The following ALCAM variants were observed in gnomAD, a reference collection of about 807,000 sequenced individuals.
ALCAM encodes CD166 antigen.
Under a neutral mutation model 70.9 loss-of-function variants are expected in ALCAM, and 30 were observed. The observed-to-expected ratio is 0.42, with a 90% CI of 0.32 to 0.57. The LOEUF is 0.57. Among genes scored for constraint, ALCAM ranks in the 20% least tolerant of loss-of-function variants. The pLI, the probability that ALCAM is intolerant of heterozygous loss-of-function variation, is 0.11. For synonymous variants in ALCAM, 249 were observed against 242.5 expected (o/e 1.03, Z -0.25); for missense variants, 591 against 695.1 (o/e 0.85, Z 1.68).
At chr3:105,516,631 A>T (rs996493080) in intron 1 of ALCAM, among the ~76,000 whole-genome samples, 1 of 152,148 alleles carries the variant, frequency 6.6e-6, no homozygotes, top group African/African-American at 2.4e-5. Context: ...CACATTTTAT[A>T]TCGTATTGTA....
rs1935071081 is a variant in ALCAM, at chr3:105,366,966, G to A, written c.-443G>A. On this transcript the variant is annotated 5_prime_UTR_variant, in exon 1 of 16. Transcript: ENST00000306107. ...GCTGCTACCACCGCTGCCACCTGAG[G>A]AGACCCGCCGCCCCCCCGTCGCCGC... 6.0e-6 allele frequency: 1 copy of A among 166,356 alleles called. No homozygotes were observed. The highest frequency in any genetic ancestry group is 2.4e-5 in the African/African-American group (1 of 41,598). 10.3% of individuals were successfully genotyped at this position (166,356 alleles called of 1,614,324 possible). A position where few individuals can be genotyped will look rare whatever the true frequency, so the allele number is the denominator to read the frequency against.
intron 1 of ALCAM, among the ~76,000 whole-genome samples, chr3:105,508,370 G>A (rs536742779): frequency 3.3e-5 from 5 of 152,196 alleles, no homozygotes; most frequent in South Asian, 2.1e-4. Flanking sequence ...TACTGGCTTC[G>A]TGATATTGGC....
At chr3:105,538,351 T>C (rs1376176294) in intron 6 of ALCAM, among the ~76,000 whole-genome samples, 1 of 152,040 alleles carries the variant, frequency 6.6e-6, no homozygotes, top group Non-Finnish European at 1.5e-5. Context: ...GCCAGGGCAA[T>C]GGGCAAAATG....
chr3:105,368,565 A>G (rs1018712906), intron 1 of ALCAM, among the ~76,000 whole-genome samples: 1 of 151,040 alleles, frequency 6.6e-6, no homozygotes, highest in Non-Finnish European at 1.5e-5. Context: ...CTTTTTCTTT[A>G]GCTTTTATCA....
chr3:105,427,791 A>T (rs1464933421), intron 1 of ALCAM, among the ~76,000 whole-genome samples: 2 of 151,852 alleles, frequency 1.3e-5, no homozygotes, highest in Non-Finnish European at 2.9e-5. Context: ...GCTTTTTAAT[A>T]TTCTTCTTTG....
chr3:105,393,913 TTA>T, intron 1 of ALCAM, among the ~76,000 whole-genome samples: 1 of 152,072 alleles, frequency 6.6e-6, no homozygotes, highest in South Asian at 2.1e-4. Flanking sequence ...GATTTGGAAT[TTA>T]TATTATCTAA....
intron 1 of ALCAM, among the ~76,000 whole-genome samples, chr3:105,519,373 T>A (rs1939470510): frequency 6.6e-6 from 1 of 152,020 alleles, no homozygotes; most frequent in African/African-American, 2.4e-5. Context: ...TACAAAATTG[T>A]GGTTTAAATT....
At chr3:105,528,209 C>T (rs770394721) in intron 3 of ALCAM, among the ~76,000 whole-genome samples, 4 of 152,154 alleles carry the variant, frequency 2.6e-5, no homozygotes, top group East Asian at 3.8e-4. Context: ...GCAGTTGTGC[C>T]GTCTTCACTA....
intron 1 of ALCAM, among the ~76,000 whole-genome samples, chr3:105,406,009 A>C (rs751124966): frequency 5.3e-5 from 8 of 152,150 alleles, no homozygotes; most frequent in Non-Finnish European, 8.8e-5. Context: ...CACTAGACCA[A>C]TTCAAAATTA....
chr3:105,465,458 G>C (rs2152600070), intron 1 of ALCAM, among the ~76,000 whole-genome samples: 1 of 151,460 alleles, frequency 6.6e-6, no homozygotes, highest in African/African-American at 2.4e-5. Flanking sequence ...AATATGTAGA[G>C]AAAAAGAGAT....
intron 11 of ALCAM, among the ~76,000 whole-genome samples, chr3:105,549,314 C>T (rs73854325): frequency 1.4e-3 from 211 of 151,436 alleles, no homozygotes; most frequent in African/African-American, 4.8e-3. Flanking sequence ...GCCCCTCCTC[C>T]ACCCCAGCAA....
intron 8 of ALCAM, among the ~76,000 whole-genome samples, chr3:105,543,898 CT>C (rs1294963815): frequency 6.6e-6 from 1 of 151,596 alleles, no homozygotes; most frequent in African/African-American, 2.4e-5. Flanking sequence ...AAGCATGCTC[CT>C]TCCCTTCATT....
At chr3:105,395,459 A>G (rs964944429) in intron 1 of ALCAM, among the ~76,000 whole-genome samples, 5 of 152,004 alleles carry the variant, frequency 3.3e-5, no homozygotes, top group Non-Finnish European at 7.4e-5. Context: ...TTATGTATGT[A>G]TACTCATGTG....
chr3:105,521,308 A>AG (rs1491581931), intron 2 of ALCAM, among the ~76,000 whole-genome samples: 2 of 4,052 alleles, frequency 4.9e-4, no homozygotes, highest in African/African-American at 8.3e-4. Context: ...ACTCCGTCTC[A>AG]AAAAAAAAAA....
chr3:105,541,803 A>G, intron 8 of ALCAM, 38 bp downstream of exon 8: 1 of 1,608,262 alleles, frequency 6.2e-7, no homozygotes, highest in Non-Finnish European at 8.5e-7. Context: ...CTTCACCTCA[A>G]AGGCTTCTAA....
Position 105,571,954 on chromosome 3 carries a change from T to C in ALCAM, c.*15T>C, listed in dbSNP as rs1270371036. On this transcript the variant is annotated 3_prime_UTR_variant, in exon 15 of 16. Transcript: ENST00000306107. ...CTGAAGCCTAAGAGAGAAACTGTCC[T>C]AGTTGTCCAGGTGAGTAGTCTGTAC... is the stretch of plus-strand genomic sequence containing the variant. 1.3e-6 allele frequency: 2 copies of C among 1,592,644 alleles called. No homozygotes were observed. The highest frequency in any genetic ancestry group is 8.6e-7 in the Non-Finnish European group (1 of 1,161,900).
chr3:105,543,199 G>A (rs1940165237), intron 8 of ALCAM, among the ~76,000 whole-genome samples: 1 of 151,680 alleles, frequency 6.6e-6, no homozygotes, highest in Non-Finnish European at 1.5e-5. Context: ...GGCAGGGGAG[G>A]ATAGATGGCA....
chr3:105,447,927 T>C (rs901377885), intron 1 of ALCAM, among the ~76,000 whole-genome samples: 8 of 152,248 alleles, frequency 5.3e-5, no homozygotes, highest in African/African-American at 1.7e-4. Flanking sequence ...GCCAAAAATA[T>C]AACAAGCAAG....
At chr3:105,552,006 A>ATTT (rs10716366) in intron 12 of ALCAM, 138 bp from the exon 13 acceptor site, 17 of 467,974 alleles carry the variant, frequency 3.6e-5, no homozygotes, top group South Asian at 4.5e-5. Context: ...ATTAAGTGTG[A>ATTT]TTTTTTTTTT....
Sources: allele counts gnomAD v4.1 joint callset (sites outside exome capture counted in the v4.1 genomes callset), GRCh38; gene constraint gnomAD v4.1.1; transcripts MANE v1.5; gene names NCBI Gene and HGNC (gene_info 2026-07-23, HGNC 2026-07-21).